Variants in DPF3 observed in about 807,000 individuals in gnomAD.
The protein encoded by DPF3 is zinc finger protein DPF3.
A neutral mutation model predicts 56.8 loss-of-function variants in DPF3; 18 were observed. The observed-to-expected ratio is 0.32, with a 90% CI of 0.22 to 0.47. The LOEUF (loss-of-function observed/expected upper bound fraction) is 0.47, where lower values mean the gene tolerates loss of function less well. Ranked by LOEUF, DPF3 falls within the 20% of genes least tolerant of loss-of-function variation. The pLI, the probability that DPF3 is intolerant of heterozygous loss-of-function variation, is 1.00. For missense variants in DPF3, 403 were observed against 488.8 expected, an observed-to-expected ratio of 0.82 and a Z score of 1.65; for synonymous variants, 188 against 180.2, an observed-to-expected ratio of 1.04 and a Z score of -0.35.
At chr14:72,728,178 C>T (rs993884259) in intron 4 of DPF3, among the ~76,000 whole-genome samples, 1 of 152,204 alleles carries the variant, frequency 6.6e-6, no homozygotes, top group Non-Finnish European at 1.5e-5. Flanking sequence ...GCAAGTAACA[C>T]AGAGATGACA....
intron 1 of DPF3, among the ~76,000 whole-genome samples, chr14:72,844,275 G>A (rs1226665690): frequency 1.3e-5 from 2 of 152,168 alleles, no homozygotes; most frequent in African/African-American, 4.8e-5. Context: ...TGCAGTGCCT[G>A]TTTTCTCATT....
intron 2 of DPF3, among the ~76,000 whole-genome samples, chr14:72,764,725 T>C (rs1458412198): frequency 1.3e-5 from 2 of 152,022 alleles, no homozygotes; most frequent in Non-Finnish European, 2.9e-5. Flanking sequence ...TCTTCTGACC[T>C]CATGATCCAC....
At chr14:72,883,259 A>G (rs1216461921) in intron 1 of DPF3, among the ~76,000 whole-genome samples, 1 of 152,178 alleles carries the variant, frequency 6.6e-6, no homozygotes, top group Non-Finnish European at 1.5e-5. Flanking sequence ...CCAGAAGTTC[A>G]AGACCAGCCT....
At chr14:72,792,772 G>T (rs1892494512) in intron 1 of DPF3, among the ~76,000 whole-genome samples, 1 of 152,058 alleles carries the variant, frequency 6.6e-6, no homozygotes, top group African/African-American at 2.4e-5. Flanking sequence ...CAATGACCCA[G>T]TGTGGCCCAA....
chr14:72,673,924 G>A (rs1886799315), intron 8 of DPF3: 2 of 289,948 alleles, frequency 6.9e-6, no homozygotes, highest in Admixed American at 4.8e-5. Flanking sequence ...AAAGCACGTT[G>A]CCTTCTCTCC....
intron 3 of DPF3, among the ~76,000 whole-genome samples, chr14:72,732,812 T>A (rs533255622): frequency 6.6e-5 from 10 of 151,902 alleles, no homozygotes; most frequent in Admixed American, 2.6e-4. Context: ...TTCTTTCTTT[T>A]CTTTCTTTCC....
At chr14:72,688,538 G>T (rs1158236975) in intron 7 of DPF3, among the ~76,000 whole-genome samples, 1 of 152,130 alleles carries the variant, frequency 6.6e-6, no homozygotes, top group East Asian at 1.9e-4. Context: ...ATGTTAAGGG[G>T]GTTTTGAATT....
rs535411066 is a variant in DPF3, at chr14:72,748,804, T to C, written c.301+4460A>G. 3.6e-4 allele frequency among the ~76,000 whole-genome samples: 55 copies of C among 152,240 alleles called. 1 individual carries two copies. Among genetic ancestry groups the C allele is most frequent in the South Asian group, 6.2e-4 (3 of 4,818 alleles). The stretch of plus-strand genomic sequence containing the variant: ...AAGCCTCAAGCCTTGACAAATTCCA[T>C]GTGGTGTTGAGCCTGTGAGTACACA... On this transcript the variant is annotated intron_variant, in intron 3 of 10. Coordinates refer to ENST00000556509, the MANE Select transcript of DPF3 (RefSeq NM_001280542.3).
intron 1 of DPF3, among the ~76,000 whole-genome samples, chr14:72,815,483 C>G (rs1340214706): frequency 2.0e-5 from 3 of 152,058 alleles, no homozygotes; most frequent in Non-Finnish European, 2.9e-5. Flanking sequence ...GAGATTTGCT[C>G]AAAAGAAATA....
At chr14:72,757,301 A>G (rs1890880912) in intron 2 of DPF3, among the ~76,000 whole-genome samples, 1 of 152,156 alleles carries the variant, frequency 6.6e-6, no homozygotes, top group African/African-American at 2.4e-5. Context: ...CTTCCTTTCA[A>G]TGGAGAATTT....
intron 1 of DPF3, among the ~76,000 whole-genome samples, chr14:72,800,486 T>TTGGATGGATGGA (rs1319074221): frequency 4.2e-4 from 50 of 119,940 alleles, no homozygotes; most frequent in African/African-American, 1.5e-3. Flanking sequence ...GCATGGATGC[T>TTGGATGGATGGA]TGGATGGATG....
chr14:72,756,822 C>CAGACAGAA (rs1555503961), intron 2 of DPF3, among the ~76,000 whole-genome samples: 1 of 70,008 alleles, frequency 1.4e-5, no homozygotes, highest in South Asian at 5.4e-4. Flanking sequence ...GAAAGAAAGA[C>CAGACAGAA]AGAAAGAAAG....
At chr14:72,652,592 G>A (rs1449877165) in intron 8 of DPF3, among the ~76,000 whole-genome samples, 1 of 152,146 alleles carries the variant, frequency 6.6e-6, no homozygotes, top group East Asian at 1.9e-4. Context: ...AACCTCTGCT[G>A]GGCAAAATCA....
chr14:72,701,795 G>A (rs1354431393), intron 6 of DPF3, among the ~76,000 whole-genome samples: 1 of 152,154 alleles, frequency 6.6e-6, no homozygotes, highest in African/African-American at 2.4e-5. Flanking sequence ...GACAAAGCCT[G>A]GGCCCTGGGA....
At chr14:72,701,577 CA>C (rs1254373471) in intron 6 of DPF3, among the ~76,000 whole-genome samples, 2 of 152,182 alleles carry the variant, frequency 1.3e-5, no homozygotes, top group African/African-American at 2.4e-5. Flanking sequence ...GAGGAGGAAT[CA>C]GGGGCAGCTT....
chr14:72,758,661 T>A (rs1002018282), intron 2 of DPF3, among the ~76,000 whole-genome samples: 1 of 152,164 alleles, frequency 6.6e-6, no homozygotes, highest in Admixed American at 6.5e-5. Context: ...ATAGTCTGTT[T>A]CCACCAGCCA....
chr14:72,762,807 C>A (rs1477571842), intron 2 of DPF3, among the ~76,000 whole-genome samples: 1 of 151,710 alleles, frequency 6.6e-6, no homozygotes, highest in African/African-American at 2.4e-5. Flanking sequence ...AGTAAGTTTT[C>A]TTTATTTACT....
At chr14:72,733,095 C>A (rs1329865869) in intron 3 of DPF3, among the ~76,000 whole-genome samples, 2 of 152,094 alleles carry the variant, frequency 1.3e-5, no homozygotes, top group African/African-American at 2.4e-5. Flanking sequence ...CCATCCCCTG[C>A]TGTTTTTTTA....
chr14:72,755,969 G>A (rs545592210), intron 2 of DPF3, among the ~76,000 whole-genome samples: 1 of 152,278 alleles, frequency 6.6e-6, no homozygotes, highest in South Asian at 2.1e-4. Context: ...ACAGGAGGCA[G>A]ATAACTCAAA....
Sources: allele counts gnomAD v4.1 joint callset (sites outside exome capture counted in the v4.1 genomes callset), GRCh38; gene constraint gnomAD v4.1.1; transcripts MANE v1.5; gene names NCBI Gene and HGNC (gene_info 2026-07-23, HGNC 2026-07-21).